The following CPEB3 variants were observed in gnomAD, a reference collection of about 807,000 sequenced individuals.
CPEB3 encodes cytoplasmic polyadenylation element binding protein 3.
Under a neutral mutation model 67.2 loss-of-function variants are expected in CPEB3, and 20 were observed. That is an observed-to-expected ratio of 0.30 (90% CI 0.21 to 0.43). The LOEUF (loss-of-function observed/expected upper bound fraction) is 0.43, where lower values mean the gene tolerates loss of function less well. Ranked by LOEUF, CPEB3 falls within the 20% of genes least tolerant of loss-of-function variation. CPEB3 has a pLI of 1.00. For missense variants in CPEB3, 746 were observed against 968.6 expected (o/e 0.77, Z 3.05); for synonymous variants, 376 against 393.1 (o/e 0.96, Z 0.51).
chr10:92,078,110 C>T (rs1257743613), intron 9 of CPEB3, among the ~76,000 whole-genome samples: 1 of 152,176 alleles, frequency 6.6e-6, no homozygotes, highest in Non-Finnish European at 1.5e-5. Flanking sequence ...TCTCACCAAT[C>T]TCATGGGATG....
intron 2 of CPEB3, among the ~76,000 whole-genome samples, chr10:92,195,300 A>G (rs919007000): frequency 1.3e-5 from 2 of 152,192 alleles, no homozygotes; most frequent in Non-Finnish European, 1.5e-5. Flanking sequence ...CCCCTTGGAT[A>G]GGAAAGAGAC....
intron 8 of CPEB3, among the ~76,000 whole-genome samples, chr10:92,086,587 A>T (rs902600971): frequency 8.5e-5 from 13 of 152,324 alleles, no homozygotes; most frequent in Non-Finnish European, 1.6e-4. Context: ...TACCACTTAC[A>T]ATCTCACAGG....
At chr10:92,203,526 ATAT>A (rs377351355) in intron 2 of CPEB3, among the ~76,000 whole-genome samples, 24,562 of 108,918 alleles carry the variant, frequency 0.23, 2,615 homozygotes, top group Middle Eastern at 0.32. Context: ...ATATATATAT[ATAT>A]TTTTTTTTTA....
chr10:92,288,019 G>C (rs1842615531), intron 1 of CPEB3, among the ~76,000 whole-genome samples: 1 of 152,104 alleles, frequency 6.6e-6, no homozygotes, highest in African/African-American at 2.4e-5. Flanking sequence ...TTGGTATAAT[G>C]TTTTCAAGGT....
chr10:92,213,840 C>T (rs536937522), intron 2 of CPEB3, among the ~76,000 whole-genome samples: 80 of 152,240 alleles, frequency 5.3e-4, no homozygotes, highest in African/African-American at 1.9e-3. Context: ...TTGAAGTCCA[C>T]CAAATCTCCC....
chr10:92,077,500 T>G (rs923227731), intron 9 of CPEB3, among the ~76,000 whole-genome samples: 2 of 152,170 alleles, frequency 1.3e-5, no homozygotes, highest in African/African-American at 4.8e-5. Context: ...TTCAAGCCTG[T>G]AATTCCAGCA....
At chr10:92,226,752 T>C (rs1850994337) in intron 2 of CPEB3, among the ~76,000 whole-genome samples, 1 of 149,572 alleles carries the variant, frequency 6.7e-6, no homozygotes, top group Non-Finnish European at 1.5e-5. Context: ...AAAGGCATAT[T>C]GAGGGAGGGG....
intron 8 of CPEB3, among the ~76,000 whole-genome samples, chr10:92,091,308 T>C (rs894577302): frequency 6.6e-5 from 10 of 152,168 alleles, no homozygotes; most frequent in Non-Finnish European, 1.5e-4. Context: ...GCATTAATAG[T>C]GGTTATTAGG....
At chr10:92,275,845 CTTT>C (rs909549413) in intron 1 of CPEB3, among the ~76,000 whole-genome samples, 1 of 92,972 alleles carries the variant, frequency 1.1e-5, no homozygotes, top group Non-Finnish European at 2.4e-5. Flanking sequence ...TCATTCTTTT[CTTT>C]TTTTTTTTTT....
chr10:92,280,027 G>A (rs1028710397), intron 1 of CPEB3, among the ~76,000 whole-genome samples: 5 of 151,700 alleles, frequency 3.3e-5, no homozygotes, highest in African/African-American at 1.2e-4. Context: ...GAAAGAAAGA[G>A]AGAAAGAGAG....
chr10:92,117,922 T>C (rs578128338), intron 6 of CPEB3, among the ~76,000 whole-genome samples: 4 of 152,200 alleles, frequency 2.6e-5, no homozygotes, highest in Non-Finnish European at 5.9e-5. Context: ...ATTACCATTT[T>C]ACAGATGAGG....
chr10:92,249,111 G>A (rs1852185625), intron 1 of CPEB3, among the ~76,000 whole-genome samples: 1 of 152,276 alleles, frequency 6.6e-6, no homozygotes, highest in South Asian at 2.1e-4. Context: ...GGGCATGGTG[G>A]CTCATGCCTG....
chr10:92,092,546 G>A (rs1309207518), intron 7 of CPEB3, among the ~76,000 whole-genome samples: 4 of 152,214 alleles, frequency 2.6e-5, no homozygotes, highest in Non-Finnish European at 5.9e-5. Flanking sequence ...TTGGGAGGCT[G>A]AGGCAGGTGG....
chr10:92,290,621 T>C (rs1308629685), intron 1 of CPEB3, among the ~76,000 whole-genome samples: 1 of 152,144 alleles, frequency 6.6e-6, no homozygotes, highest in East Asian at 1.9e-4. Context: ...GGAAGCTGTC[T>C]GGTCCAGGCA....
chr10:92,216,771 A>G (rs926479053), intron 2 of CPEB3: 2 of 1,610,032 alleles, frequency 1.2e-6, no homozygotes, highest in African/African-American at 2.7e-5. Context: ...GAGGAGGTGC[A>G]GTCCCTGCCC....
chr10:92,091,514 C>G (rs760985468), intron 8 of CPEB3, among the ~76,000 whole-genome samples: 1 of 151,198 alleles, frequency 6.6e-6, no homozygotes, highest in Non-Finnish European at 1.5e-5. Context: ...TCATACATAA[C>G]AATGCTGACT....
At chr10:92,198,306 A>C (rs967362580) in intron 2 of CPEB3, among the ~76,000 whole-genome samples, 1 of 152,054 alleles carries the variant, frequency 6.6e-6, no homozygotes, top group African/African-American at 2.4e-5. Flanking sequence ...CACTCCCTTT[A>C]ACTTAATCTG....
At chr10:92,204,774 A>G (rs7901728) in intron 2 of CPEB3, among the ~76,000 whole-genome samples, 12,104 of 151,924 alleles carry the variant, frequency 0.08, 1,599 homozygotes, top group African/African-American at 0.28. Context: ...ATAAAATTGG[A>G]TTAAATAACC....
chr10:92,064,453 G>C (rs559666355), intron 9 of CPEB3, among the ~76,000 whole-genome samples: 1 of 152,270 alleles, frequency 6.6e-6, no homozygotes, highest in African/African-American at 2.4e-5. Context: ...TAAACTACTG[G>C]ACACAGGGAC....
Sources: allele counts gnomAD v4.1 joint callset (sites outside exome capture counted in the v4.1 genomes callset), GRCh38; gene constraint gnomAD v4.1.1; transcripts MANE v1.5; gene names NCBI Gene and HGNC (gene_info 2026-07-23, HGNC 2026-07-21).